CFAP251: variants seen among roughly 807,000 people sequenced by gnomAD.
CFAP251 encodes the protein cilia- and flagella-associated protein 251.
In CFAP251, 93 loss-of-function variants were observed where a neutral mutation model predicts 126.7. The observed-to-expected ratio is 0.73, with a 90% CI of 0.62 to 0.87. The LOEUF is 0.87. Among genes scored for constraint, CFAP251 ranks in the 40% least tolerant of loss-of-function variants. The pLI is 0.00. For synonymous variants in CFAP251, 503 were observed against 506.9 expected (o/e 0.99, Z 0.10); for missense variants, 1,287 against 1,389.2 (o/e 0.93, Z 1.17).
chr12:121,962,120 G>C lies in CFAP251; in HGVS notation c.2450G>C (p.Gly817Ala), dbSNP rs781772531. 6.8e-6 allele frequency: 11 copies of C among 1,613,892 alleles called. No individual in the cohort carries two copies. Among genetic ancestry groups the C allele is most frequent in the Non-Finnish European group, 9.3e-6 (11 of 1,180,040 alleles). ...RELFLLICNS[G>A]YKVKLFNATT... ...CTCTTCCTGCTTATTTGCAACAGTG[G>C]CTACAAAGTGAAGCTTTTTAATGCT... Residue 817 changes from glycine to alanine, a missense_variant, in exon 15 of 22, where the codon GGC becomes GCC. By Grantham distance (60) the Gly-to-Ala change is moderately conservative (BLOSUM62 0). Transcript: ENST00000288912.
At chr12:121,994,189 G>T (rs865816240) in intron 19 of CFAP251, among the ~76,000 whole-genome samples, 2 of 69,750 alleles carry the variant, frequency 2.9e-5, no homozygotes, top group Non-Finnish European at 2.9e-5. Flanking sequence ...CAGCCGCCCC[G>T]TCCGGGAGGT....
intron 19 of CFAP251, among the ~76,000 whole-genome samples, chr12:121,976,840 T>G (rs116329618): frequency 0.058 from 8,809 of 152,112 alleles, 493 homozygotes; most frequent in East Asian, 0.22. Context: ...GCCCCAGAGG[T>G]GGAGGCTTCA....
intron 5 of CFAP251, among the ~76,000 whole-genome samples, chr12:121,939,161 T>C (rs904725629): frequency 6.6e-6 from 1 of 152,154 alleles, no homozygotes; most frequent in Non-Finnish European, 1.5e-5. Context: ...TCCACAACAT[T>C]GTTGGTGTGA....
intron 5 of CFAP251, among the ~76,000 whole-genome samples, chr12:121,938,611 T>C (rs1468757511): frequency 6.7e-6 from 1 of 149,112 alleles, no homozygotes; most frequent in East Asian, 2.0e-4. Context: ...ATTACAGGCG[T>C]GAGCCACCAT....
intron 11 of CFAP251, 70 bp downstream of exon 11, chr12:121,957,338 A>G (rs368358168): frequency 1.4e-6 from 2 of 1,453,146 alleles, no homozygotes; most frequent in East Asian, 2.3e-5. Context: ...GTTTGCATAC[A>G]GTGGGAGGTT....
chr12:121,964,145 TTTGTTGTTGTTGTTGTTG>T (rs10581852), intron 15 of CFAP251, among the ~76,000 whole-genome samples: 1 of 149,758 alleles, frequency 6.7e-6, no homozygotes, highest in South Asian at 2.1e-4. Context: ...CCACCCGGGA[TTTGTTGTTGTTGTTGTTG>T]TTGTTGTTGT....
intron 3 of CFAP251, among the ~76,000 whole-genome samples, chr12:121,928,600 G>T (rs1880510063): frequency 7.0e-6 from 1 of 142,036 alleles, no homozygotes; most frequent in African/African-American, 2.6e-5. Context: ...TTGATTACTT[G>T]ACCCTAGATA....
intron 2 of CFAP251, among the ~76,000 whole-genome samples, chr12:121,922,421 C>G (rs1359501767): frequency 6.6e-6 from 1 of 152,066 alleles, no homozygotes; most frequent in Non-Finnish European, 1.5e-5. Flanking sequence ...TTAAGGAGCT[C>G]TAAGGTGTGT....
chr12:121,937,731 G>A (rs952138415), intron 5 of CFAP251, among the ~76,000 whole-genome samples: 14 of 152,104 alleles, frequency 9.2e-5, no homozygotes, highest in Non-Finnish European at 1.5e-5. Context: ...CACAGGAACT[G>A]CTCTCCCACA....
chr12:121,979,861 C>G (rs529143381), intron 19 of CFAP251, among the ~76,000 whole-genome samples: 1 of 152,144 alleles, frequency 6.6e-6, no homozygotes, highest in Admixed American at 6.5e-5. Context: ...CCACCGTGCC[C>G]GGCCTCAGCC....
intron 5 of CFAP251, among the ~76,000 whole-genome samples, chr12:121,938,625 C>CG (rs1880985042): frequency 6.7e-6 from 1 of 150,102 alleles, no homozygotes; most frequent in Non-Finnish European, 1.5e-5. Flanking sequence ...CCACCATGCC[C>CG]GGCTCATCTG....
intron 20 of CFAP251, 49 bp downstream of exon 20, chr12:121,999,993 G>T: frequency 6.5e-7 from 1 of 1,537,568 alleles, no homozygotes; most frequent in Non-Finnish European, 9.0e-7. Context: ...GCCATTCCCA[G>T]TGTAGAGAAC....
rs201175916 is a variant in CFAP251 at position 121,962,127 on chromosome 12, A to G, written c.2457A>G (p.Lys819=). ...TGCTTATTTGCAACAGTGGCTACAAAGTGAAGCTTTTTAATGCTACTACCA... is the reference window on the plus strand; with the variant it reads ...TGCTTATTTGCAACAGTGGCTACAAGGTGAAGCTTTTTAATGCTACTACCA... ...LFLLICNSGY[K]VKLFNATTKM... Residue 819 remains lysine, a synonymous_variant, in exon 15 of 22, where the codon AAA becomes AAG. Transcript: ENST00000288912. 403 of 1,613,708 alleles carry G rather than the reference A, an allele frequency of 2.5e-4. 2 individuals carry two copies. The Middle Eastern group carries it at 3.5e-3, about 14-fold the overall frequency.
chr12:121,963,759 G>A (rs1266771240), intron 15 of CFAP251, among the ~76,000 whole-genome samples: 1 of 150,838 alleles, frequency 6.6e-6, no homozygotes, highest in Non-Finnish European at 1.5e-5. Context: ...CTCCCACCGA[G>A]CTTCAGGAGG....
intron 2 of CFAP251, among the ~76,000 whole-genome samples, chr12:121,922,257 C>T (rs974490333): frequency 6.6e-6 from 1 of 152,054 alleles, no homozygotes; most frequent in African/African-American, 2.4e-5. Context: ...CAGGCGTCCG[C>T]CACCTCGCCT....
intron 19 of CFAP251, among the ~76,000 whole-genome samples, chr12:121,987,332 T>C (rs1882773874): frequency 6.6e-6 from 1 of 152,134 alleles, no homozygotes; most frequent in African/African-American, 2.4e-5. Flanking sequence ...TGCAGAAAGA[T>C]CAGAGCAAGA....
intron 3 of CFAP251, among the ~76,000 whole-genome samples, chr12:121,930,744 CTTTCTT>C (rs1212428934): frequency 1.6e-5 from 2 of 123,608 alleles, no homozygotes; most frequent in African/African-American, 6.6e-5. Context: ...AATTAATTGC[CTTTCTT>C]TTTTTTTTTT....
intron 5 of CFAP251, among the ~76,000 whole-genome samples, chr12:121,937,782 G>T (rs1565905743): frequency 6.6e-6 from 1 of 152,134 alleles, no homozygotes; most frequent in African/African-American, 2.4e-5. Context: ...ACCCAACCCT[G>T]ATCCTCATCT....
intron 3 of CFAP251, among the ~76,000 whole-genome samples, chr12:121,928,217 G>T (rs775122563): frequency 5.3e-5 from 8 of 152,090 alleles, no homozygotes; most frequent in Non-Finnish European, 8.8e-5. Flanking sequence ...GTTTCCAAAA[G>T]AACAATTTCA....
Sources: allele counts gnomAD v4.1 joint callset (sites outside exome capture counted in the v4.1 genomes callset), GRCh38; gene constraint gnomAD v4.1.1; transcripts MANE v1.5; gene names NCBI Gene and HGNC (gene_info 2026-07-23, HGNC 2026-07-21).